Variants in USH2A observed in about 807,000 individuals in gnomAD.
USH2A encodes the protein Usher syndrome 2A (autosomal recessive, mild).
USH2A carries 443 observed loss-of-function variants against 538.9 expected under a neutral mutation model. The observed-to-expected ratio is 0.82, with a 90% confidence interval of 0.76 to 0.89. The LOEUF is 0.89. Ranked by LOEUF, USH2A falls within the 40% of genes least tolerant of loss-of-function variation. The pLI, the probability that USH2A is intolerant of heterozygous loss-of-function variation, is 0.00. For missense variants in USH2A, 6,633 were observed against 6,324.8 expected (o/e 1.05, Z -1.65); for synonymous variants, 2,413 against 2,273.5 (o/e 1.06, Z -1.75).
At chr1:216,025,696 G>T (rs1193155990) in intron 32 of USH2A, among the ~76,000 whole-genome samples, 1 of 152,136 alleles carries the variant, frequency 6.6e-6, no homozygotes, top group Non-Finnish European at 1.5e-5. Context: ...TGCCTTTATA[G>T]AAACCATTTA....
At chr1:216,288,846 T>C (rs1159015591) in intron 11 of USH2A, among the ~76,000 whole-genome samples, 3 of 152,156 alleles carry the variant, frequency 2.0e-5, no homozygotes, top group Non-Finnish European at 2.9e-5. Flanking sequence ...GAGGGAAAGT[T>C]AGACTAAGAA....
intron 49 of USH2A, among the ~76,000 whole-genome samples, chr1:215,805,053 A>ATGTTGT (rs1662456792): frequency 6.6e-6 from 1 of 151,928 alleles, no homozygotes; most frequent in South Asian, 2.1e-4. Flanking sequence ...CAAACACCGT[A>ATGTTGT]TGTTGTCACT....
Position 216,325,256 on chromosome 1 carries a change from G to C in USH2A, c.1143+49C>G, listed in dbSNP as rs766099008. ...TAAGACATGAAGTTTGTGGGCATTT[G>C]TTGCAATAACCACAGGAAATTAATG... On this transcript the variant is annotated intron_variant, in intron 6 of 71. Coordinates refer to ENST00000307340, the MANE Select transcript of USH2A (RefSeq NM_206933.4). 5 of 1,590,282 alleles carry C rather than the reference G, an allele frequency of 3.1e-6. No individual in the cohort carries two copies. In the African/African-American group the frequency reaches 5.4e-5, roughly 17 times the overall value.
At chr1:216,345,073 G>A (rs1049377165) in intron 4 of USH2A, among the ~76,000 whole-genome samples, 9 of 151,872 alleles carry the variant, frequency 5.9e-5, no homozygotes, top group African/African-American at 2.2e-4. Context: ...TCAAGCGGCA[G>A]CCTGAACTTT....
At chr1:215,793,577 A>G (rs1662041874) in intron 50 of USH2A, among the ~76,000 whole-genome samples, 1 of 152,002 alleles carries the variant, frequency 6.6e-6, no homozygotes. Context: ...TCAAAAAAAA[A>G]ATCATTCTGT....
At chr1:216,033,404 G>A in intron 32 of USH2A, among the ~76,000 whole-genome samples, 1 of 152,128 alleles carries the variant, frequency 6.6e-6, no homozygotes, top group African/African-American at 2.4e-5. Context: ...TAAAGAACTG[G>A]GGAAAGTAAA....
At chr1:216,059,132 G>T (rs1035163299) in intron 30 of USH2A, among the ~76,000 whole-genome samples, 43 of 152,224 alleles carry the variant, frequency 2.8e-4, no homozygotes, top group African/African-American at 8.9e-4. Flanking sequence ...CATATATAGA[G>T]AGAGAGCATA....
intron 30 of USH2A, among the ~76,000 whole-genome samples, chr1:216,050,604 C>CTTTCTTTCTTTCTT (rs1195871302): frequency 5.2e-4 from 36 of 68,596 alleles, no homozygotes; most frequent in African/African-American, 1.9e-3. Flanking sequence ...TTCTTTCTTT[C>CTTTCTTTCTTTCTT]TTTTTTTTTT....
At chr1:216,205,505 T>A (rs956538031) in intron 16 of USH2A, among the ~76,000 whole-genome samples, 1 of 152,174 alleles carries the variant, frequency 6.6e-6, no homozygotes, top group African/African-American at 2.4e-5. Context: ...ATTCCAGTTA[T>A]ATGAATTAGG....
chr1:215,870,588 C>G (rs78991968), intron 43 of USH2A, among the ~76,000 whole-genome samples: 2,654 of 151,876 alleles, frequency 0.017, 79 homozygotes, highest in African/African-American at 0.06. Flanking sequence ...TGAGTCACCG[C>G]GCCTGGCCGA....
chr1:215,754,989 T>C (rs1660746644), intron 58 of USH2A, among the ~76,000 whole-genome samples: 1 of 152,150 alleles, frequency 6.6e-6, no homozygotes, highest in South Asian at 2.1e-4. Flanking sequence ...CTTGCCATTT[T>C]CCACAATTAA....
chr1:215,688,232 C>G (rs1658496617), intron 61 of USH2A, among the ~76,000 whole-genome samples: 1 of 152,056 alleles, frequency 6.6e-6, no homozygotes, highest in Non-Finnish European at 1.5e-5. Context: ...TGGGAACAGA[C>G]TTGGTGTTTT....
At chr1:215,919,429 ACT>A (rs1407578748) in intron 38 of USH2A, among the ~76,000 whole-genome samples, 1 of 152,070 alleles carries the variant, frequency 6.6e-6, no homozygotes, top group Non-Finnish European at 1.5e-5. Context: ...AGTAAAGCAG[ACT>A]CTGATTGTAT....
At chr1:216,340,513 C>CA (rs2038056736) in intron 4 of USH2A, among the ~76,000 whole-genome samples, 1 of 107,532 alleles carries the variant, frequency 9.3e-6, no homozygotes, top group African/African-American at 4.0e-5. Flanking sequence ...CATCCTGATA[C>CA]AAAAAACCTG....
chr1:215,996,565 T>TG (rs1668146298), intron 34 of USH2A, among the ~76,000 whole-genome samples: 1 of 29,368 alleles, frequency 3.4e-5, no homozygotes, highest in African/African-American at 1.1e-4. Context: ...ATTATGTTTT[T>TG]TTTTTTTTTT....
chr1:216,405,760 A>C (rs1226111043), intron 3 of USH2A, among the ~76,000 whole-genome samples: 7 of 152,240 alleles, frequency 4.6e-5, no homozygotes, highest in Non-Finnish European at 7.3e-5. Flanking sequence ...GATACAACCC[A>C]AAACTAGAAT....
At chr1:216,167,444 G>A (rs534737202) in intron 21 of USH2A, among the ~76,000 whole-genome samples, 1 of 152,218 alleles carries the variant, frequency 6.6e-6, no homozygotes, top group East Asian at 1.9e-4. Context: ...GAGGCAAAAT[G>A]TTGGCGCTTA....
chr1:216,385,008 A>T (rs1372691241), intron 3 of USH2A, among the ~76,000 whole-genome samples: 5 of 152,178 alleles, frequency 3.3e-5, no homozygotes, highest in Non-Finnish European at 7.4e-5. Context: ...TGTGAGTCAG[A>T]GGTGAAATTT....
At chr1:216,155,113 C>T (rs913756103) in intron 21 of USH2A, among the ~76,000 whole-genome samples, 13 of 152,276 alleles carry the variant, frequency 8.5e-5, no homozygotes, top group Admixed American at 5.9e-4. Flanking sequence ...TTCTAACCTT[C>T]AAGCTGTCTT....
Sources: allele counts gnomAD v4.1 joint callset (sites outside exome capture counted in the v4.1 genomes callset), GRCh38; gene constraint gnomAD v4.1.1; transcripts MANE v1.5; gene names NCBI Gene and HGNC (gene_info 2026-07-23, HGNC 2026-07-21).